The following TPRG1 variants were observed in gnomAD, a reference collection of about 807,000 sequenced individuals.
TPRG1 encodes the protein tumor protein p63 regulated 1, also known as tumor protein p63-regulated gene 1 protein.
TPRG1 carries 29 observed loss-of-function variants against 29.3 expected under a neutral mutation model. The ratio of observed to expected loss-of-function variants is 0.99; its 90% CI spans 0.74 to 1.35. The LOEUF (loss-of-function observed/expected upper bound fraction) is 1.35, where lower values mean the gene tolerates loss of function less well. Among genes scored for constraint, TPRG1 ranks in the 40% most tolerant of loss-of-function variants. TPRG1 has a pLI of 0.00. For synonymous variants in TPRG1, 130 were observed against 116.8 expected (o/e 1.11, Z -0.73); for missense variants, 327 against 335.0 (o/e 0.98, Z 0.19).
intron 1 of TPRG1, among the ~76,000 whole-genome samples, chr3:189,174,279 A>G (rs1394637392): frequency 4.6e-5 from 7 of 152,180 alleles, no homozygotes; most frequent in Non-Finnish European, 1.0e-4. Context: ...GTTCCAAAGT[A>G]TTTGATATCT....
At chr3:189,108,207 G>T (rs1237425572) in intron 1 of TPRG1, among the ~76,000 whole-genome samples, 1 of 152,082 alleles carries the variant, frequency 6.6e-6, no homozygotes, top group Non-Finnish European at 1.5e-5. Flanking sequence ...CTGGACATCT[G>T]GAGAGTGTGC....
chr3:189,077,716 C>T (rs139377167), intron 4 of TPRG1, among the ~76,000 whole-genome samples: 5 of 152,284 alleles, frequency 3.3e-5, no homozygotes, highest in African/African-American at 1.2e-4. Context: ...TGGAAATATT[C>T]ACACTTCACA....
chr3:189,076,118 G>C (rs1018940444), intron 4 of TPRG1, among the ~76,000 whole-genome samples: 7 of 152,160 alleles, frequency 4.6e-5, no homozygotes, highest in African/African-American at 1.7e-4. Flanking sequence ...TCATATCCAG[G>C]TATACTTGGC....
At chr3:189,034,014 T>A (rs1483297821) in intron 4 of TPRG1, among the ~76,000 whole-genome samples, 1 of 152,220 alleles carries the variant, frequency 6.6e-6, no homozygotes, top group Non-Finnish European at 1.5e-5. Context: ...GAAATAGACA[T>A]TAACTTTTAA....
chr3:189,033,689 C>T (rs1714078594), intron 4 of TPRG1, among the ~76,000 whole-genome samples: 1 of 151,908 alleles, frequency 6.6e-6, no homozygotes, highest in Non-Finnish European at 1.5e-5. Flanking sequence ...ATGCCATTCT[C>T]CTGCCTCAGC....
intron 4 of TPRG1, among the ~76,000 whole-genome samples, chr3:189,260,957 T>G (rs1187166259): frequency 6.6e-6 from 1 of 152,314 alleles, no homozygotes; most frequent in South Asian, 2.1e-4. Flanking sequence ...TTGAAAGGGC[T>G]TCTGCTCTGG....
At chr3:189,036,345 G>A (rs2152132084) in intron 4 of TPRG1, among the ~76,000 whole-genome samples, 1 of 152,120 alleles carries the variant, frequency 6.6e-6, no homozygotes, top group Middle Eastern at 3.4e-3. Flanking sequence ...CTACTTGGGT[G>A]ACAGGATCAT....
chr3:189,001,735 A>G (rs1712029622), intron 2 of TPRG1, among the ~76,000 whole-genome samples: 1 of 151,818 alleles, frequency 6.6e-6, no homozygotes, highest in African/African-American at 2.4e-5. Context: ...TTGGCTCAAG[A>G]TATGGAAGTC....
intron 4 of TPRG1, among the ~76,000 whole-genome samples, chr3:189,260,873 G>C (rs550885414): frequency 6.6e-6 from 1 of 152,066 alleles, no homozygotes; most frequent in Non-Finnish European, 1.5e-5. Flanking sequence ...TTGCTTTCTC[G>C]GATCCAAAGG....
intron 1 of TPRG1, among the ~76,000 whole-genome samples, chr3:189,198,639 G>T (rs977795861): frequency 6.6e-6 from 1 of 152,190 alleles, no homozygotes; most frequent in African/African-American, 2.4e-5. Flanking sequence ...ATCCATCCAA[G>T]AAATTTAAAC....
At chr3:189,215,963 A>G (rs767922834) in intron 3 of TPRG1, among the ~76,000 whole-genome samples, 67 of 152,296 alleles carry the variant, frequency 4.4e-4, no homozygotes, top group Admixed American at 7.8e-4. Flanking sequence ...TATCTTATCC[A>G]TAAGAGCTTT....
At chr3:189,062,954 T>C (rs953118900) in intron 4 of TPRG1, among the ~76,000 whole-genome samples, 1 of 151,932 alleles carries the variant, frequency 6.6e-6, no homozygotes, top group Non-Finnish European at 1.5e-5. Flanking sequence ...TCTGAATACA[T>C]CAATCAAAGA....
chr3:189,101,296 C>A (rs1475430813), intron 1 of TPRG1, among the ~76,000 whole-genome samples: 2 of 152,098 alleles, frequency 1.3e-5, no homozygotes, highest in African/African-American at 2.4e-5. Context: ...TCTTAATGGT[C>A]TTCTAAGACA....
At chr3:189,294,145 T>A (rs930667145) in intron 4 of TPRG1, among the ~76,000 whole-genome samples, 5 of 152,204 alleles carry the variant, frequency 3.3e-5, no homozygotes, top group Admixed American at 2.0e-4. Context: ...ATTAGCTTAC[T>A]TTTCTCACCA....
intron 4 of TPRG1, among the ~76,000 whole-genome samples, chr3:189,148,743 C>A (rs1725569079): frequency 6.6e-6 from 1 of 152,204 alleles, no homozygotes; most frequent in East Asian, 1.9e-4. Context: ...ATATGAAAAA[C>A]AAGTGTCGGT....
chr3:189,016,046 G>A (rs923127987), intron 3 of TPRG1, among the ~76,000 whole-genome samples: 12 of 152,096 alleles, frequency 7.9e-5, no homozygotes, highest in East Asian at 3.9e-4. Context: ...AGCTTGCACC[G>A]TGTACCTGGA....
intron 3 of TPRG1, among the ~76,000 whole-genome samples, chr3:189,143,216 T>A (rs536892484): frequency 6.6e-6 from 1 of 152,316 alleles, no homozygotes; most frequent in Non-Finnish European, 1.5e-5. Flanking sequence ...ATCAGATGAT[T>A]CCCACAAAAC....
chr3:189,112,668 CA>C (rs200005053), intron 1 of TPRG1, among the ~76,000 whole-genome samples: 2,597 of 152,254 alleles, frequency 0.017, 76 homozygotes, highest in African/African-American at 0.059. Flanking sequence ...TCAGGTTTGT[CA>C]AAGATCAGAT....
At chr3:189,071,376 C>T (rs1420581386) in intron 4 of TPRG1, among the ~76,000 whole-genome samples, 2 of 152,076 alleles carry the variant, frequency 1.3e-5, no homozygotes, top group South Asian at 2.1e-4. Context: ...ATACATTGTT[C>T]ATCCATTTTA....
Sources: allele counts gnomAD v4.1 joint callset (sites outside exome capture counted in the v4.1 genomes callset), GRCh38; gene constraint gnomAD v4.1.1; transcripts MANE v1.5; gene names NCBI Gene and HGNC (gene_info 2026-07-23, HGNC 2026-07-21).